Variants in SCAF4 observed in about 807,000 individuals in gnomAD.
SCAF4 encodes SR-related and CTD-associated factor 4.
A neutral mutation model predicts 129.8 loss-of-function variants in SCAF4; 25 were observed. The ratio of observed to expected loss-of-function variants is 0.19; its 90% CI spans 0.14 to 0.27. The LOEUF (loss-of-function observed/expected upper bound fraction) is 0.27, where lower values mean the gene tolerates loss of function less well. Ranked by LOEUF, SCAF4 falls within the 10% of genes least tolerant of loss-of-function variation. The probability of loss-of-function intolerance (pLI) is 1.00; values close to 1 mark genes in which losing one functional copy is unlikely to be tolerated. For missense variants in SCAF4, 1,246 were observed against 1,457.1 expected (o/e 0.86, Z 2.36); for synonymous variants, 551 against 497.7 (o/e 1.11, Z -1.43).
chr21:31,702,057 T>C, intron 5 of SCAF4, 139 bp from the exon 6 acceptor site: 3 of 1,227,132 alleles, frequency 2.4e-6, no homozygotes, highest in Non-Finnish European at 3.4e-6. Flanking sequence ...GAGTTTATAC[T>C]GTAACAACTA....
intron 1 of SCAF4, among the ~76,000 whole-genome samples, chr21:31,724,744 C>T (rs1429548012): frequency 1.3e-5 from 2 of 152,116 alleles, no homozygotes; most frequent in African/African-American, 4.8e-5. Context: ...AAAAAAACTA[C>T]CAATTGTGTC....
chr21:31,676,230 G>A (rs73201509), intron 19 of SCAF4, among the ~76,000 whole-genome samples: 5,094 of 152,122 alleles, frequency 0.033, 130 homozygotes, highest in Non-Finnish European at 0.047. Flanking sequence ...CCATCTCTAG[G>A]AGCTCTAGAT....
At position 31,696,208 on chromosome 21, in the gene SCAF4, C is replaced by A; in HGVS notation, c.973G>T (p.Asp325Tyr). The change falls in exon 9 of 20, where the codon GAT (aspartate) becomes TAT (tyrosine). Residue 325 changes from aspartate to tyrosine, a missense_variant. By Grantham distance (160) the Asp-to-Tyr change is radical (BLOSUM62 -3). This residue lies in a region of SCAF4 where 236 missense variants were observed against 210.0 expected (regional missense o/e 1.12). Coordinates refer to ENST00000286835, the MANE Select transcript of SCAF4 (RefSeq NM_020706.2). Reference sequence around the variant, plus strand: ...GTGTATGCTGGCTGCTGCATGCCATCTCCAGGAAAGCCACTAAAAAAAGGT... The same window carrying A: ...GTGTATGCTGGCTGCTGCATGCCATATCCAGGAAAGCCACTAAAAAAAGGT... ...PPQAPFGFPGDGMQQPAYTQH... is the reference protein window; with the variant it reads ...PPQAPFGFPGYGMQQPAYTQH... 1 of 1,613,688 alleles carries A rather than the reference C, an allele frequency of 6.2e-7. No homozygotes were observed. The highest frequency in any genetic ancestry group is 8.5e-7 in the Non-Finnish European group (1 of 1,179,798).
chr21:31,671,724 C>T lies in SCAF4; in HGVS notation c.3119G>A (p.Arg1040Gln), dbSNP rs746953503. 6.8e-6 allele frequency: 11 copies of T among 1,613,970 alleles called. No individual in the cohort carries two copies. Among genetic ancestry groups the T allele is most frequent in the Non-Finnish European group, 8.5e-7 (1 of 1,179,978 alleles). The change falls in exon 20 of 20, where the codon CGG (arginine) becomes CAG (glutamine). Residue 1040 changes from arginine (R) to glutamine (Q), a missense_variant. Transcript: ENST00000286835. Reference protein sequence around the residue: ...RREWGRRSPDRDRHRDLEERN... With the variant: ...RREWGRRSPDQDRHRDLEERN... ...CTCTTCCAAGTCTCTGTGCCTGTCCCGGTCAGGGCTCCTCCTTCCCCACTC... is the reference window on the plus strand; with the variant it reads ...CTCTTCCAAGTCTCTGTGCCTGTCCTGGTCAGGGCTCCTCCTTCCCCACTC...
At chr21:31,689,134 G>A (rs948853441) in intron 15 of SCAF4, among the ~76,000 whole-genome samples, 1 of 152,022 alleles carries the variant, frequency 6.6e-6, no homozygotes, top group Non-Finnish European at 1.5e-5. Flanking sequence ...CAGATGTCCA[G>A]CACATAGTAG....
intron 1 of SCAF4, among the ~76,000 whole-genome samples, chr21:31,729,982 C>T (rs1002299713): frequency 6.6e-5 from 10 of 152,202 alleles, no homozygotes; most frequent in African/African-American, 2.4e-4. Context: ...ACTAAAAATC[C>T]TCTTCTTTCA....
chr21:31,721,821 G>C (rs1022332414), intron 1 of SCAF4, among the ~76,000 whole-genome samples: 2 of 148,934 alleles, frequency 1.3e-5, no homozygotes, highest in Non-Finnish European at 3.0e-5. Flanking sequence ...CCACCTCCCA[G>C]GTTCAAGTGA....
At position 31,731,770 on chromosome 21, in the gene SCAF4, C is replaced by A. The variant is rs1293407751; in HGVS notation, c.-78G>T. The A allele has an allele frequency of 6.7e-7, 1 of 1,484,814 alleles. No individual in the cohort carries two copies. The highest frequency in any genetic ancestry group is 8.9e-7 in the Non-Finnish European group (1 of 1,121,014). The allele number at this position is 1,484,814 out of a possible 1,614,324, so 92.0% of individuals were successfully genotyped here. Reference sequence around the variant, plus strand: ...GCCGCGGCGGAGCGGGGCTGGGAAACCAGCCGGGCCTGGTGGCCGGGGGGA... The same window carrying A: ...GCCGCGGCGGAGCGGGGCTGGGAAAACAGCCGGGCCTGGTGGCCGGGGGGA... On this transcript the variant is annotated 5_prime_UTR_variant, in exon 1 of 20. Transcript: ENST00000286835.
chr21:31,700,937 T>C, intron 7 of SCAF4, 58 bp downstream of exon 7: 1 of 1,543,344 alleles, frequency 6.5e-7, no homozygotes, highest in Non-Finnish European at 9.0e-7. Flanking sequence ...AGTGATAATT[T>C]CCATAACTCA....
intron 7 of SCAF4, chr21:31,700,745 T>TC (rs1009191079): frequency 2.5e-6 from 1 of 399,574 alleles, no homozygotes; most frequent in African/African-American, 2.1e-5. Context: ...CTTTTTCTTT[T>TC]TTTTTTTTTT....
rs1031178487 is a variant in SCAF4, at chr21:31,701,302, C to G, written c.601-131G>C. 2.0e-5 allele frequency: 14 copies of G among 695,924 alleles called. No individual in the cohort carries two copies. In the African/African-American group the frequency reaches 2.4e-4, roughly 12 times the overall value. The allele number at this position is 695,924 out of a possible 1,614,324, so 43.1% of individuals were successfully genotyped here. A position where few individuals can be genotyped will look rare whatever the true frequency, so the allele number is the denominator to read the frequency against. On this transcript the variant is annotated intron_variant, in intron 6 of 19. Transcript: ENST00000286835. The stretch of plus-strand genomic sequence containing the variant: ...CACAGAACAAATTGGGGAAAAAATC[C>G]TTTTATGAATGGTTAAATTTGTTGT...
At chr21:31,698,583 G>GT (rs1183188803) in intron 7 of SCAF4, among the ~76,000 whole-genome samples, 1 of 152,108 alleles carries the variant, frequency 6.6e-6, no homozygotes, top group Non-Finnish European at 1.5e-5. Context: ...CTGTGAAGGT[G>GT]TTTTTTTAGA....
chr21:31,672,836 A>C (rs2049745450), intron 19 of SCAF4, among the ~76,000 whole-genome samples: 1 of 152,262 alleles, frequency 6.6e-6, no homozygotes, highest in Non-Finnish European at 1.5e-5. Flanking sequence ...CCCAGGAAAG[A>C]GGAAGATCTC....
intron 19 of SCAF4, 144 bp from the exon 20 acceptor site, chr21:31,672,498 G>A (rs1330240161): frequency 1.5e-6 from 1 of 689,018 alleles, no homozygotes; most frequent in Non-Finnish European, 2.5e-6. Flanking sequence ...CAAACCCAGT[G>A]TGAGGCCTAG....
chr21:31,719,665 C>T (rs549056370), intron 1 of SCAF4, among the ~76,000 whole-genome samples: 111 of 152,066 alleles, frequency 7.3e-4, no homozygotes, highest in Admixed American at 1.8e-3. Flanking sequence ...CCACCATGCC[C>T]GGCTAATTTT....
At chr21:31,717,946 C>T (rs867300653) in intron 1 of SCAF4, among the ~76,000 whole-genome samples, 103 of 118,642 alleles carry the variant, frequency 8.7e-4, no homozygotes, top group East Asian at 4.2e-3. Flanking sequence ...CACACACACA[C>T]ATATATATTT....
intron 1 of SCAF4, among the ~76,000 whole-genome samples, chr21:31,717,509 ATCTG>A (rs1281876939): frequency 5.9e-5 from 9 of 152,174 alleles, no homozygotes; most frequent in African/African-American, 1.9e-4. Flanking sequence ...TTTAATTTGT[ATCTG>A]TCTGAGATAC....
At chr21:31,719,476 A>G (rs1379989411) in intron 1 of SCAF4, among the ~76,000 whole-genome samples, 1 of 152,064 alleles carries the variant, frequency 6.6e-6, no homozygotes, top group Non-Finnish European at 1.5e-5. Context: ...TTACTCTATA[A>G]AGCATGTCCT....
At position 31,696,093 on chromosome 21, in the gene SCAF4, T is replaced by A; in HGVS notation, c.1068+20A>T. 6.4e-7 allele frequency: 1 copy of A among 1,559,628 alleles called. No homozygotes were observed. Among genetic ancestry groups the A allele is most frequent in the Non-Finnish European group, 8.8e-7 (1 of 1,131,024 alleles). On this transcript the variant is annotated intron_variant, in intron 9 of 19. Transcript: ENST00000286835. ...ATAATGAATAGATCTTTCTTTGAAC[T>A]GCAAGAAAAATGCTTGTACCTGATG... is the stretch of plus-strand genomic sequence containing the variant.
Sources: allele counts gnomAD v4.1 joint callset (sites outside exome capture counted in the v4.1 genomes callset), GRCh38; gene constraint gnomAD v4.1.1; regional missense constraint gnomAD v4.1.1; transcripts MANE v1.5; gene names NCBI Gene and HGNC (gene_info 2026-07-23, HGNC 2026-07-21).